The following TGFA variants were observed in gnomAD, a reference collection of about 807,000 sequenced individuals.
TGFA encodes the protein transforming growth factor alpha.
In TGFA, 12 loss-of-function variants were observed where a neutral mutation model predicts 21.7. The ratio of observed to expected loss-of-function variants is 0.55; its 90% confidence interval spans 0.35 to 0.90. TGFA has a LOEUF of 0.90. Ranked by LOEUF, TGFA falls within the 40% of genes least tolerant of loss-of-function variation. The pLI, the probability that TGFA is intolerant of heterozygous loss-of-function variation, is 0.01. For synonymous variants in TGFA, 79 were observed against 88.1 expected, an observed-to-expected ratio of 0.90 and a Z score of 0.58; for missense variants, 178 against 210.8, an observed-to-expected ratio of 0.84 and a Z score of 0.96.
chr2:70,452,524 G>A (rs1487866355), intron 5 of TGFA, among the ~76,000 whole-genome samples: 1 of 152,184 alleles, frequency 6.6e-6, no homozygotes, highest in Non-Finnish European at 1.5e-5. Flanking sequence ...GATGAAAAAG[G>A]GGAAGTGACT....
chr2:70,552,237 C>A (rs1325440842), intron 1 of TGFA, among the ~76,000 whole-genome samples: 1 of 152,078 alleles, frequency 6.6e-6, no homozygotes, highest in East Asian at 1.9e-4. Context: ...ATATTAACAC[C>A]TTCTTTATCC....
rs59567780 is a variant in TGFA at position 70,521,613 on chromosome 2, G to GTTTTTTTTTTTTTTTTTTTTTTTTT, written c.41-6702_41-6701insAAAAAAAAAAAAAAAAAAAAAAAAA. Among the ~76,000 whole-genome samples, 11 of 74,068 alleles carry GTTTTTTTTTTTTTTTTTTTTTTTTT rather than the reference G, an allele frequency of 1.5e-4. 2 individuals carry two copies. Among genetic ancestry groups the GTTTTTTTTTTTTTTTTTTTTTTTTT allele is most frequent in the African/African-American group, 4.6e-4 (11 of 23,764 alleles). The allele number at this position is 74,068 out of a possible 152,430, so 48.6% of individuals were successfully genotyped here. A position where few individuals can be genotyped will look rare whatever the true frequency, so the allele number is the denominator to read the frequency against. On this transcript the variant is annotated intron_variant, in intron 1 of 5. Transcript: ENST00000295400. The stretch of plus-strand genomic sequence containing the variant: ...TTGATAGTTTTTTTTGTTGTTGTTT[G>GTTTTTTTTTTTTTTTTTTTTTTTTT]TTTGTTTTTTTTTTTTTTTTTTTTT...
intron 2 of TGFA, among the ~76,000 whole-genome samples, chr2:70,493,744 G>C (rs1181181324): frequency 1.3e-5 from 2 of 152,200 alleles, no homozygotes; most frequent in Non-Finnish European, 2.9e-5. Context: ...AGGAGGAACA[G>C]AACTTTAGAG....
intron 1 of TGFA, among the ~76,000 whole-genome samples, chr2:70,529,171 T>C (rs1553503364): frequency 1.3e-5 from 2 of 152,220 alleles, no homozygotes; most frequent in African/African-American, 4.8e-5. Context: ...GTATTCTCAT[T>C]GCCCAGAACA....
chr2:70,459,875 C>G (rs1174566200), intron 3 of TGFA, among the ~76,000 whole-genome samples: 2 of 152,174 alleles, frequency 1.3e-5, no homozygotes, highest in South Asian at 2.1e-4. Flanking sequence ...TGCTTCTGAG[C>G]GAACACTTCC....
At chr2:70,508,479 G>A (rs907225470) in intron 2 of TGFA, among the ~76,000 whole-genome samples, 1 of 151,580 alleles carries the variant, frequency 6.6e-6, no homozygotes, top group African/African-American at 2.4e-5. Context: ...GGAGGTGAAG[G>A]GGGGGAATGT....
At chr2:70,532,749 C>T (rs1672850736) in intron 1 of TGFA, among the ~76,000 whole-genome samples, 1 of 152,228 alleles carries the variant, frequency 6.6e-6, no homozygotes, top group Non-Finnish European at 1.5e-5. Flanking sequence ...AGAACCCTCT[C>T]CCTGCTTTAG....
intron 1 of TGFA, among the ~76,000 whole-genome samples, chr2:70,551,460 C>A (rs1239667553): frequency 6.6e-6 from 1 of 152,220 alleles, no homozygotes; most frequent in Non-Finnish European, 1.5e-5. Context: ...CCAGTTCCTT[C>A]TCAGACTAGC....
chr2:70,507,514 A>G (rs1455606076), intron 2 of TGFA, among the ~76,000 whole-genome samples: 1 of 152,244 alleles, frequency 6.6e-6, no homozygotes, highest in African/African-American at 2.4e-5. Flanking sequence ...ATAGTAGCCT[A>G]TCTGTCTACC....
chr2:70,535,644 A>G (rs1672949533), intron 1 of TGFA, among the ~76,000 whole-genome samples: 1 of 152,214 alleles, frequency 6.6e-6, no homozygotes, highest in African/African-American at 2.4e-5. Context: ...TGCTCTCACT[A>G]TTAAAAGAAA....
intron 2 of TGFA, among the ~76,000 whole-genome samples, chr2:70,511,173 C>T (rs561838961): frequency 3.3e-5 from 5 of 152,296 alleles, no homozygotes; most frequent in African/African-American, 1.2e-4. Context: ...TGTATCAAAA[C>T]CTATCTTGCA....
chr2:70,464,667 G>T (rs1490956572), intron 3 of TGFA, among the ~76,000 whole-genome samples: 2 of 152,150 alleles, frequency 1.3e-5, no homozygotes, highest in African/African-American at 4.8e-5. Context: ...CCCCCTAATA[G>T]TATTCTATTA....
intron 1 of TGFA, among the ~76,000 whole-genome samples, chr2:70,546,403 A>T (rs2103947883): frequency 6.6e-6 from 1 of 152,270 alleles, no homozygotes; most frequent in East Asian, 1.9e-4. Context: ...GGTACAATTC[A>T]TTGTTACCCA....
chr2:70,539,188 T>C lies in TGFA; in HGVS notation c.40+14540A>G, dbSNP rs1330537056. On this transcript the variant is annotated intron_variant, in intron 1 of 5. Coordinates refer to ENST00000295400, the MANE Select transcript of TGFA (RefSeq NM_003236.4). ...CAGTATAGTGTAAACATAACTTTTA[T>C]ATGCACCGGGAAACCAAAAAGTTCA... Among the ~76,000 whole-genome samples the C allele has an allele frequency of 1.8e-4, 27 of 152,350 alleles. No individual in the cohort carries two copies. The East Asian group carries it at 1.9e-3, about 11-fold the overall frequency.
intron 2 of TGFA, 64 bp downstream of exon 2, chr2:70,514,795 C>A: frequency 6.4e-7 from 1 of 1,561,656 alleles, no homozygotes; most frequent in Non-Finnish European, 8.8e-7. Context: ...CTTGAGGAGC[C>A]ACACAGCAGC....
At chr2:70,464,700 A>C (rs911499728) in intron 3 of TGFA, among the ~76,000 whole-genome samples, 2 of 152,204 alleles carry the variant, frequency 1.3e-5, no homozygotes, top group African/African-American at 2.4e-5. Context: ...TTGTCTTTAA[A>C]TATGTCTTTC....
intron 1 of TGFA, among the ~76,000 whole-genome samples, chr2:70,550,364 A>G (rs1553506603): frequency 1.3e-5 from 2 of 152,064 alleles, no homozygotes; most frequent in Non-Finnish European, 1.5e-5. Flanking sequence ...TATTATTCCC[A>G]CTTTACAGAT....
intron 2 of TGFA, among the ~76,000 whole-genome samples, chr2:70,487,255 A>G (rs550324449): frequency 6.6e-6 from 1 of 152,360 alleles, no homozygotes; most frequent in Admixed American, 6.5e-5. Flanking sequence ...AACAGGGAAT[A>G]AAACGATACT....
intron 2 of TGFA, among the ~76,000 whole-genome samples, chr2:70,500,402 A>AACATCCTGG (rs1671703053): frequency 6.6e-6 from 1 of 152,172 alleles, no homozygotes; most frequent in South Asian, 2.1e-4. Context: ...CTCCCCAAAC[A>AACATCCTGG]ACATCCTGGT....
Sources: allele counts gnomAD v4.1 joint callset (sites outside exome capture counted in the v4.1 genomes callset), GRCh38; gene constraint gnomAD v4.1.1; transcripts MANE v1.5; gene names NCBI Gene and HGNC (gene_info 2026-07-23, HGNC 2026-07-21).